ZNRF3: variants seen among roughly 807,000 people sequenced by gnomAD.
The protein encoded by ZNRF3 is E3 ubiquitin-protein ligase ZNRF3.
ZNRF3 carries 23 observed loss-of-function variants against 72.5 expected under a neutral mutation model. That is an observed-to-expected ratio of 0.32 (90% confidence interval 0.23 to 0.45). ZNRF3 has a LOEUF of 0.45. Among genes scored for constraint, ZNRF3 ranks in the 20% least tolerant of loss-of-function variants. The probability of loss-of-function intolerance (pLI) is 1.00; values close to 1 mark genes in which losing one functional copy is unlikely to be tolerated. For missense variants in ZNRF3, 1,169 were observed against 1,272.1 expected (o/e 0.92, Z 1.23); for synonymous variants, 610 against 545.3 (o/e 1.12, Z -1.65).
At position 29,049,839 on chromosome 22, in the gene ZNRF3, G is replaced by C; in HGVS notation, c.1658G>C (p.Ser553Thr). The change falls in exon 8 of 9, where the codon AGC (serine) becomes ACC (threonine). Residue 553 changes from serine (S) to threonine (T), a missense_variant. Physicochemically the swap from Ser to Thr is moderately conservative, Grantham distance 58. Transcript: ENST00000544604. The surrounding 1 kb of genome is among the most constrained non-coding windows in gnomAD (Gnocchi z 5.2). The part of the protein sequence containing the change: ...LADCPGSDSS[S>T]SSSSGQCHCS... ...GACTGCCCAGGCAGCGACAGCAGCA[G>C]CAGCAGCAGCTCCGGCCAGTGCCAC... is the stretch of plus-strand genomic sequence containing the variant. 1.9e-6 allele frequency: 3 copies of C among 1,609,040 alleles called. No individual in the cohort carries two copies. Among genetic ancestry groups the C allele is most frequent in the Non-Finnish European group, 2.5e-6 (3 of 1,177,552 alleles).
intron 2 of ZNRF3, among the ~76,000 whole-genome samples, chr22:29,020,776 G>GGGT (rs1039624991): frequency 1.2e-5 from 1 of 86,040 alleles, no homozygotes; most frequent in Non-Finnish European, 3.1e-5. Context: ...TGTGTGTGTG[G>GGGT]GTGTGTGTGT....
chr22:28,965,678 A>G (rs2035446481), intron 1 of ZNRF3, among the ~76,000 whole-genome samples: 1 of 152,208 alleles, frequency 6.6e-6, no homozygotes, highest in African/African-American at 2.4e-5. Flanking sequence ...GCTGGCAGGG[A>G]TCTAGATAGA....
At chr22:28,980,517 G>A (rs1384990096) in intron 1 of ZNRF3, among the ~76,000 whole-genome samples, 1 of 152,176 alleles carries the variant, frequency 6.6e-6, no homozygotes, top group Non-Finnish European at 1.5e-5. Context: ...AAAATAAGGA[G>A]TGAGAGGGTA....
chr22:28,896,741 A>G (rs2034005889), intron 1 of ZNRF3, among the ~76,000 whole-genome samples: 1 of 152,202 alleles, frequency 6.6e-6, no homozygotes, highest in Non-Finnish European at 1.5e-5. Context: ...ATGGCATGTA[A>G]AGAATGTTGC....
chr22:28,990,890 T>C (rs2035940530), intron 2 of ZNRF3, among the ~76,000 whole-genome samples: 2 of 152,066 alleles, frequency 1.3e-5, no homozygotes, highest in Admixed American at 6.5e-5. Context: ...CTGGCGTTTC[T>C]AGCAAAGCCT....
At chr22:28,966,664 T>C (rs1313257065) in intron 1 of ZNRF3, among the ~76,000 whole-genome samples, 2 of 152,076 alleles carry the variant, frequency 1.3e-5, no homozygotes, top group African/African-American at 4.8e-5. Flanking sequence ...GAAAAAAGCT[T>C]ATGAAATAAG....
intron 2 of ZNRF3, among the ~76,000 whole-genome samples, chr22:29,005,169 C>T (rs1020055963): frequency 1.2e-4 from 18 of 152,210 alleles, no homozygotes; most frequent in East Asian, 1.9e-4. Context: ...TCCCAGCACT[C>T]GCTGCTGCCT....
At chr22:28,888,480 CA>C (rs1413036315) in intron 1 of ZNRF3, among the ~76,000 whole-genome samples, 1 of 152,172 alleles carries the variant, frequency 6.6e-6, no homozygotes, top group African/African-American at 2.4e-5. Flanking sequence ...GCATTTGATT[CA>C]GGGGGAAAAC....
At chr22:29,038,935 A>C (rs990519478) in intron 2 of ZNRF3, among the ~76,000 whole-genome samples, 3 of 152,010 alleles carry the variant, frequency 2.0e-5, no homozygotes, top group Non-Finnish European at 4.4e-5. Context: ...TCAAGCTGTA[A>C]ATGGAATTTA....
At chr22:28,979,083 CT>C (rs899176714) in intron 1 of ZNRF3, among the ~76,000 whole-genome samples, 10 of 152,162 alleles carry the variant, frequency 6.6e-5, no homozygotes, top group African/African-American at 2.4e-4. Context: ...ATCTAACCCA[CT>C]GGGTAATGAG....
intron 2 of ZNRF3, among the ~76,000 whole-genome samples, chr22:29,022,039 C>A (rs974995215): frequency 6.6e-6 from 1 of 152,182 alleles, no homozygotes; most frequent in Non-Finnish European, 1.5e-5. Context: ...AACTACTGAT[C>A]TGCTTTCTCC....
intron 8 of ZNRF3, 60 bp downstream of exon 8, chr22:29,051,008 T>C: frequency 6.7e-7 from 1 of 1,481,926 alleles, no homozygotes; most frequent in Non-Finnish European, 8.9e-7. Flanking sequence ...CGTCTTGTCT[T>C]CTGTCTTAGG....
intron 1 of ZNRF3, among the ~76,000 whole-genome samples, chr22:28,962,727 A>G (rs972967343): frequency 1.3e-5 from 2 of 152,216 alleles, no homozygotes; most frequent in African/African-American, 4.8e-5. Context: ...AAAAGCTCCT[A>G]TATGAAGGAA....
intron 1 of ZNRF3, among the ~76,000 whole-genome samples, chr22:28,925,087 C>T (rs1237085397): frequency 6.6e-6 from 1 of 152,186 alleles, no homozygotes; most frequent in African/African-American, 2.4e-5. Flanking sequence ...TACATACCTC[C>T]ATGAGTGAAA....
At chr22:28,889,538 C>G (rs191736862) in intron 1 of ZNRF3, among the ~76,000 whole-genome samples, 1 of 152,182 alleles carries the variant, frequency 6.6e-6, no homozygotes, top group Non-Finnish European at 1.5e-5. Flanking sequence ...CTGTACCAGA[C>G]ACTGTATTGC....
intron 2 of ZNRF3, among the ~76,000 whole-genome samples, chr22:29,012,998 G>A (rs779512374): frequency 3.9e-5 from 6 of 152,168 alleles, no homozygotes; most frequent in Admixed American, 6.5e-5. Flanking sequence ...TTACTTAAGC[G>A]TATAGATGGT....
In ZNRF3 at chr22:29,049,031, C is replaced by T. The variant is rs1038910540; in HGVS notation, c.1016-166C>T. Among the ~76,000 whole-genome samples, 16 of 152,196 alleles carry T rather than the reference C, an allele frequency of 1.1e-4. No individual in the cohort carries two copies. Among genetic ancestry groups the T allele is most frequent in the African/African-American group, 3.6e-4 (15 of 41,446 alleles). On this transcript the variant is annotated intron_variant, in intron 7 of 8. Transcript: ENST00000544604. This position sits in a 1 kb window ranked among gnomAD's most constrained non-coding sequence, Gnocchi z 5.2. ...GGCCATTTCACACAGACAGGCAGGT[C>T]AGCCTCTGCCGCTGCAGCTCAGTTT...
At chr22:29,010,459 C>A (rs2036329909) in intron 2 of ZNRF3, among the ~76,000 whole-genome samples, 1 of 151,814 alleles carries the variant, frequency 6.6e-6, no homozygotes, top group South Asian at 2.1e-4. Context: ...TTATATATAT[C>A]CCATTGTATC....
At chr22:29,037,297 T>C (rs1226744328) in intron 2 of ZNRF3, among the ~76,000 whole-genome samples, 2 of 152,148 alleles carry the variant, frequency 1.3e-5, no homozygotes, top group Non-Finnish European at 2.9e-5. Flanking sequence ...TGAGTGGAAT[T>C]CCTGGTAAGT....
Sources: gnomAD v4.1 joint callset for allele counts (sites outside exome capture counted in the v4.1 genomes callset) on GRCh38, gnomAD v4.1.1 for gene constraint, Gnocchi (gnomAD v3.1) non-coding constraint, MANE v1.5 for transcripts, NCBI Gene and HGNC (gene_info 2026-07-23, HGNC 2026-07-21) for gene names.